The following SHANK2 variants were observed in gnomAD, a reference collection of about 807,000 sequenced individuals.
SHANK2 encodes SH3 and multiple ankyrin repeat domains protein 2.
A neutral mutation model predicts 133.7 loss-of-function variants in SHANK2; 43 were observed. The observed-to-expected ratio is 0.32, with a 90% CI of 0.25 to 0.41. The LOEUF (loss-of-function observed/expected upper bound fraction) is 0.41, where lower values mean the gene tolerates loss of function less well. SHANK2 is among the 10% of genes least tolerant of loss of function. The pLI is 1.00. For synonymous variants in SHANK2, 1,017 were observed against 952.8 expected, an observed-to-expected ratio of 1.07 and a Z score of -1.24; for missense variants, 1,994 against 2,235.8, an observed-to-expected ratio of 0.89 and a Z score of 2.18.
chr11:70,540,730 C>A (rs778975519), intron 17 of SHANK2, among the ~76,000 whole-genome samples: 1 of 149,388 alleles, frequency 6.7e-6, no homozygotes, highest in Middle Eastern at 3.4e-3. Flanking sequence ...AAAAATTAGC[C>A]GGGTGTGGTG....
chr11:70,676,413 G>A (rs1247714231), intron 15 of SHANK2, among the ~76,000 whole-genome samples: 1 of 152,234 alleles, frequency 6.6e-6, no homozygotes, highest in African/African-American at 2.4e-5. Flanking sequence ...ACTGCTCCCT[G>A]GCACCCCCTC....
chr11:70,712,791 G>C (rs1274300728), intron 14 of SHANK2, among the ~76,000 whole-genome samples: 1 of 152,224 alleles, frequency 6.6e-6, no homozygotes, highest in Non-Finnish European at 1.5e-5. Context: ...CATGCTCAGG[G>C]GGCCACGCTC....
At chr11:70,806,943 G>T in intron 13 of SHANK2, 59 bp downstream of exon 13, 1 of 678,210 alleles carries the variant, frequency 1.5e-6, no homozygotes, top group Non-Finnish European at 2.7e-6. Context: ...CAGCAGGCCG[G>T]GTGAAGGGCC....
intron 1 of SHANK2, among the ~76,000 whole-genome samples, chr11:71,229,765 G>GAAAAAAAAAAAAAAAAAAAAAA (rs55730780): frequency 2.0e-4 from 23 of 116,510 alleles, no homozygotes; most frequent in East Asian, 4.9e-4. Context: ...TCTCAAAAAA[G>GAAAAAAAAAAAAAAAAAAAAAA]AAAAAAAAAA....
chr11:70,906,214 C>T (rs1590818345), intron 10 of SHANK2, among the ~76,000 whole-genome samples: 1 of 152,174 alleles, frequency 6.6e-6, no homozygotes, highest in South Asian at 2.1e-4. Context: ...GCCACAAAGC[C>T]CTGCCTTCCT....
chr11:71,132,112 G>A (rs139312043), intron 3 of SHANK2, among the ~76,000 whole-genome samples: 256 of 152,302 alleles, frequency 1.7e-3, no homozygotes, highest in Non-Finnish European at 3.1e-3. Context: ...CTGCCGGGAC[G>A]CAGATGCTGC....
rs782239254 is a variant in SHANK2, at chr11:70,487,075, G to C, written c.3218C>G (p.Thr1073Ser). Residue 1073 changes from threonine (T) to serine (S), a missense_variant, in exon 25 of 26, where the codon ACC becomes AGC. Thr to Ser is a moderately conservative substitution (Grantham distance 58). Around this residue, in one of 5 missense-constraint regions of SHANK2, gnomAD observed 488 missense variants for 642.6 expected, o/e 0.76. Coordinates refer to ENST00000601538, the MANE Select transcript of SHANK2 (RefSeq NM_012309.5). This position sits in a 1 kb window ranked among gnomAD's most constrained non-coding sequence, Gnocchi z 5.8. ...GGCGGCGGCAAAGGGGCTGCTGACG[G>C]TCAGGCTTTCGTCAGGCCGCAGCTG... ...PSQLRPDESL[T>S]VSSPFAAAIA... 2.5e-6 allele frequency: 4 copies of C among 1,609,702 alleles called. No homozygotes were observed. Among genetic ancestry groups the C allele is most frequent in the Non-Finnish European group, 3.4e-6 (4 of 1,179,874 alleles).
At chr11:70,542,642 G>C (rs1316527422) in intron 17 of SHANK2, among the ~76,000 whole-genome samples, 2 of 152,146 alleles carry the variant, frequency 1.3e-5, no homozygotes, top group Non-Finnish European at 2.9e-5. Flanking sequence ...CTAACCATCA[G>C]GTCCTTCCTG....
At chr11:70,828,776 G>A (rs755953087) in intron 11 of SHANK2, among the ~76,000 whole-genome samples, 2 of 152,198 alleles carry the variant, frequency 1.3e-5, no homozygotes, top group African/African-American at 2.4e-5. Context: ...TGGGGGACCC[G>A]GCTGGTCGTG....
intron 9 of SHANK2, among the ~76,000 whole-genome samples, chr11:71,065,137 G>C (rs1951032449): frequency 6.6e-6 from 1 of 152,170 alleles, no homozygotes; most frequent in Non-Finnish European, 1.5e-5. Context: ...GCAAGCAGGG[G>C]TGAAAGTCTG....
intron 11 of SHANK2, among the ~76,000 whole-genome samples, chr11:70,849,546 C>A (rs1461949261): frequency 1.3e-5 from 2 of 152,154 alleles, no homozygotes; most frequent in African/African-American, 2.4e-5. Context: ...TAGAGCATAA[C>A]CCTGGGCAAG....
chr11:70,563,164 T>C (rs2059928767), intron 17 of SHANK2, among the ~76,000 whole-genome samples: 1 of 152,236 alleles, frequency 6.6e-6, no homozygotes, highest in South Asian at 2.1e-4. Flanking sequence ...CCACTGTGCC[T>C]GGCCGGGTTG....
intron 10 of SHANK2, among the ~76,000 whole-genome samples, chr11:70,930,624 C>CATAA (rs1950488916): frequency 6.7e-6 from 1 of 149,746 alleles, no homozygotes; most frequent in Non-Finnish European, 1.5e-5. Flanking sequence ...ATCTTGCAAA[C>CATAA]ATAAATGCCT....
chr11:70,553,537 C>T (rs972855459), intron 17 of SHANK2, among the ~76,000 whole-genome samples: 23 of 152,162 alleles, frequency 1.5e-4, no homozygotes, highest in African/African-American at 4.8e-4. Context: ...TCCTGACTGC[C>T]GGTCCCAGCT....
rs148705855 is a variant in SHANK2, at chr11:70,774,388, C to T, written c.1777+24055G>A. On this transcript the variant is annotated intron_variant, in intron 14 of 25. Coordinates refer to ENST00000601538, the MANE Select transcript of SHANK2 (RefSeq NM_012309.5). ...AGCCTGGAGTGCAGTGGTGCCATCT[C>T]GGCTTACTGCAACTTCCACCTCCCA... 8.9e-4 allele frequency among the ~76,000 whole-genome samples: 135 copies of T among 151,950 alleles called. 1 individual carries two copies. The East Asian group carries it at 0.017, about 19-fold the overall frequency.
intron 14 of SHANK2, among the ~76,000 whole-genome samples, chr11:70,787,622 A>G (rs1162834197): frequency 6.6e-6 from 1 of 151,928 alleles, no homozygotes; most frequent in African/African-American, 2.4e-5. Context: ...CACCAGCATC[A>G]CCACGATCAT....
At chr11:71,191,271 G>A (rs776980112) in intron 2 of SHANK2, among the ~76,000 whole-genome samples, 14 of 152,184 alleles carry the variant, frequency 9.2e-5, no homozygotes, top group Non-Finnish European at 1.3e-4. Flanking sequence ...GATAAACTGT[G>A]TGTTATGAGG....
intron 4 of SHANK2, among the ~76,000 whole-genome samples, chr11:71,116,276 T>G (rs1951976567): frequency 6.6e-6 from 1 of 152,240 alleles, no homozygotes; most frequent in Non-Finnish European, 1.5e-5. Context: ...TGCTGTTGAC[T>G]AAGCTAAAAT....
intron 17 of SHANK2, among the ~76,000 whole-genome samples, chr11:70,598,730 G>C (rs543739156): frequency 1.3e-5 from 2 of 152,082 alleles, no homozygotes; most frequent in South Asian, 2.1e-4. Flanking sequence ...ATGACAAGTC[G>C]GGTTTATCTT....
Sources: gnomAD v4.1 joint callset for allele counts (sites outside exome capture counted in the v4.1 genomes callset) on GRCh38, gnomAD v4.1.1 for gene constraint, gnomAD v4.1.1 regional missense constraint, Gnocchi (gnomAD v3.1) non-coding constraint, MANE v1.5 for transcripts, NCBI Gene and HGNC (gene_info 2026-07-23, HGNC 2026-07-21) for gene names.